PPARGC1B: variants seen among roughly 807,000 people sequenced by gnomAD.
The protein encoded by PPARGC1B is peroxisome proliferator-activated receptor gamma coactivator 1-beta.
Under a neutral mutation model 101.6 loss-of-function variants are expected in PPARGC1B, and 34 were observed. The ratio of observed to expected loss-of-function variants is 0.33; its 90% CI spans 0.25 to 0.45. The LOEUF is 0.45. Among genes scored for constraint, PPARGC1B ranks in the 20% least tolerant of loss-of-function variants. PPARGC1B has a pLI of 1.00. For synonymous variants in PPARGC1B, 548 were observed against 539.3 expected (o/e 1.02, Z -0.22); for missense variants, 1,234 against 1,317.6 (o/e 0.94, Z 0.98).
At chr5:149,800,162 T>C (rs17461842) in intron 1 of PPARGC1B, among the ~76,000 whole-genome samples, 11,304 of 152,304 alleles carry the variant, frequency 0.074, 623 homozygotes, top group Middle Eastern at 0.22. Context: ...TTCTTGTGTG[T>C]CCTTCTTGCA....
rs1561518725 is a variant in PPARGC1B at position 149,771,870 on chromosome 5, A to C, written c.78+41450A>C. On this transcript the variant is annotated intron_variant, in intron 1 of 11. Transcript: ENST00000309241. ...AGGTGTCCAGGAAGTAAATATCCCCACCATGGCCAATTTCATCCTGTTTAA... is the reference window on the plus strand; with the variant it reads ...AGGTGTCCAGGAAGTAAATATCCCCCCCATGGCCAATTTCATCCTGTTTAA... The C allele has an allele frequency of 6.9e-6, 4 of 579,166 alleles. No individual in the cohort carries two copies. The East Asian group carries it at 1.6e-4, about 24-fold the overall frequency. 35.9% of individuals were successfully genotyped at this position (579,166 alleles called of 1,614,324 possible). A position where few individuals can be genotyped will look rare whatever the true frequency, so the allele number is the denominator to read the frequency against.
intron 1 of PPARGC1B, among the ~76,000 whole-genome samples, chr5:149,785,335 A>C (rs1756760740): frequency 1.3e-5 from 2 of 152,168 alleles, no homozygotes; most frequent in Admixed American, 1.3e-4. Context: ...TTTGTCTCTC[A>C]TTGGCCGGGT....
rs1204367144 is a variant in PPARGC1B at position 149,734,872 on chromosome 5, T to C, written c.78+4452T>C. On this transcript the variant is annotated intron_variant, in intron 1 of 11. Coordinates refer to ENST00000309241, the MANE Select transcript of PPARGC1B (RefSeq NM_133263.4). ...GCTAAACTTCTTCCCCATATGATCA[T>C]GGGTGACTTGTGGTTCTGTGTTTCT... is the stretch of plus-strand genomic sequence containing the variant. Among the ~76,000 whole-genome samples the C allele has an allele frequency of 2.6e-5, 4 of 152,330 alleles. No individual in the cohort carries two copies. The East Asian group carries it at 7.7e-4, about 29-fold the overall frequency.
rs1182605711 is a variant in PPARGC1B at position 149,851,654 on chromosome 5, A to G, written c.*4096A>G. 2.6e-5 allele frequency: 4 copies of G among 152,040 alleles called. No individual in the cohort carries two copies. Among genetic ancestry groups the G allele is most frequent in the Non-Finnish European group, 5.9e-5 (4 of 68,042 alleles). 9.4% of individuals were successfully genotyped at this position (152,040 alleles called of 1,614,324 possible). A position where few individuals can be genotyped will look rare whatever the true frequency, so the allele number is the denominator to read the frequency against. On this transcript the variant is annotated 3_prime_UTR_variant, in exon 12 of 12. Coordinates refer to ENST00000309241, the MANE Select transcript of PPARGC1B (RefSeq NM_133263.4). ...CTTACCAATGGGGAAGAAGAAAACT[A>G]GTGCATGTGCAATATGTCAAAGTTA... is the stretch of plus-strand genomic sequence containing the variant.
At chr5:149,808,919 A>G (rs1757698080) in intron 1 of PPARGC1B, among the ~76,000 whole-genome samples, 1 of 152,102 alleles carries the variant, frequency 6.6e-6, no homozygotes, top group Admixed American at 6.6e-5. Flanking sequence ...CTGGAGATGG[A>G]TGGTGGTGAT....
chr5:149,733,448 T>C (rs961686444), intron 1 of PPARGC1B, among the ~76,000 whole-genome samples: 1 of 152,208 alleles, frequency 6.6e-6, no homozygotes. Flanking sequence ...CTTGCCCTGC[T>C]TTCTCTCCTT....
chr5:149,750,842 G>A (rs1049644439), intron 1 of PPARGC1B, among the ~76,000 whole-genome samples: 4 of 152,226 alleles, frequency 2.6e-5, no homozygotes, highest in African/African-American at 9.6e-5. Flanking sequence ...AAGTACGCAC[G>A]ATGGGTGCCC....
chr5:149,814,248 T>C (rs1353758958), intron 1 of PPARGC1B, among the ~76,000 whole-genome samples: 2 of 152,212 alleles, frequency 1.3e-5, no homozygotes, highest in Non-Finnish European at 2.9e-5. Flanking sequence ...TTGCCTCCCT[T>C]GTCTAGGCTT....
In PPARGC1B at chr5:149,840,116, T is replaced by G; in HGVS notation, c.2694T>G (p.Ile898Met). The G allele has an allele frequency of 6.2e-7, 1 of 1,611,234 alleles. No individual in the cohort carries two copies. The highest frequency in any genetic ancestry group is 1.1e-5 in the South Asian group (1 of 90,594). Residue 898 changes from isoleucine (I) to methionine (M), a missense_variant and splice_region_variant, in exon 9 of 12, where the codon ATT becomes ATG. Ile to Met is a conservative substitution (Grantham distance 10). Coordinates refer to ENST00000309241, the MANE Select transcript of PPARGC1B (RefSeq NM_133263.4). The part of the protein sequence containing the change: ...RHARKRREKA[I>M]GEGRVVYIQN... ...CCAGGAAGCGGCGGGAAAAGGCCATTGTAAGTGATCTGGGGGCCCAGAGCC... is the reference window on the plus strand; with the variant it reads ...CCAGGAAGCGGCGGGAAAAGGCCATGGTAAGTGATCTGGGGGCCCAGAGCC...
intron 1 of PPARGC1B, among the ~76,000 whole-genome samples, chr5:149,753,181 G>A (rs951443545): frequency 1.3e-5 from 2 of 152,166 alleles, no homozygotes; most frequent in African/African-American, 4.8e-5. Flanking sequence ...TGTTTAACTA[G>A]TTGGGCATTT....
chr5:149,809,438 A>G (rs12655648), intron 1 of PPARGC1B, among the ~76,000 whole-genome samples: 22 of 140,350 alleles, frequency 1.6e-4, no homozygotes, highest in African/African-American at 5.2e-4. Context: ...ATCCATCTCT[A>G]CCATAGATAG....
chr5:149,747,576 G>C (rs1364846800), intron 1 of PPARGC1B, among the ~76,000 whole-genome samples: 1 of 152,164 alleles, frequency 6.6e-6, no homozygotes, highest in Non-Finnish European at 1.5e-5. Context: ...TGCCCTAGTG[G>C]CCTCATGCCA....
chr5:149,838,302 TAAG>T (rs1407833737), intron 8 of PPARGC1B, among the ~76,000 whole-genome samples: 1 of 152,168 alleles, frequency 6.6e-6, no homozygotes, highest in Non-Finnish European at 1.5e-5. Flanking sequence ...GCAAACTTGT[TAAG>T]AAGCCCTAAA....
At chr5:149,807,462 C>T (rs568431707) in intron 1 of PPARGC1B, among the ~76,000 whole-genome samples, 2 of 152,236 alleles carry the variant, frequency 1.3e-5, no homozygotes, top group Admixed American at 6.5e-5. Context: ...GCTTTCCTTC[C>T]GACTCAGGAC....
chr5:149,748,915 A>C (rs1755186383), intron 1 of PPARGC1B, among the ~76,000 whole-genome samples: 2 of 152,184 alleles, frequency 1.3e-5, no homozygotes, highest in East Asian at 3.8e-4. Flanking sequence ...TTTCAGAAGG[A>C]GAGTGACTTT....
chr5:149,827,652 G>T (rs1758582645), intron 3 of PPARGC1B, among the ~76,000 whole-genome samples: 1 of 152,204 alleles, frequency 6.6e-6, no homozygotes, highest in Non-Finnish European at 1.5e-5. Flanking sequence ...GCAGATACTT[G>T]CAGATTGCCC....
intron 1 of PPARGC1B, among the ~76,000 whole-genome samples, chr5:149,811,909 T>A (rs1757880070): frequency 6.6e-6 from 1 of 152,234 alleles, no homozygotes; most frequent in Non-Finnish European, 1.5e-5. Flanking sequence ...ACTGGTTGGC[T>A]GGGTCTGGCC....
chr5:149,833,641 G>T lies in PPARGC1B; in HGVS notation c.1568G>T (p.Gly523Val). The change falls in exon 5 of 12, where the codon GGC becomes GTC. Residue 523 changes from glycine (G) to valine (V), a missense_variant. Gly to Val is a moderately radical substitution (Grantham distance 109). Coordinates refer to ENST00000309241, the MANE Select transcript of PPARGC1B (RefSeq NM_133263.4). This position sits in a 1 kb window ranked among gnomAD's most constrained non-coding sequence, Gnocchi z 4.1. ...PKAYDVEREL[G>V]SPTDEDSGQD... ...GCCTACGACGTAGAGCGGGAGCTGGGCAGCCCCACGGACGAGGACAGTGGC... is the reference window on the plus strand; with the variant it reads ...GCCTACGACGTAGAGCGGGAGCTGGTCAGCCCCACGGACGAGGACAGTGGC... 1 of 1,609,960 alleles carries T rather than the reference G, an allele frequency of 6.2e-7. No homozygotes were observed.
chr5:149,815,454 T>A (rs549663798), intron 1 of PPARGC1B, among the ~76,000 whole-genome samples: 1 of 152,302 alleles, frequency 6.6e-6, no homozygotes, highest in South Asian at 2.1e-4. Flanking sequence ...AAGGAACCAT[T>A]CCTGCAGACA....
Sources: allele counts gnomAD v4.1 joint callset (sites outside exome capture counted in the v4.1 genomes callset), GRCh38; gene constraint gnomAD v4.1.1; non-coding constraint Gnocchi (gnomAD v3.1); transcripts MANE v1.5; gene names NCBI Gene and HGNC (gene_info 2026-07-23, HGNC 2026-07-21).